The following LPIN2 variants were observed in gnomAD, a reference collection of about 807,000 sequenced individuals.
LPIN2 encodes the protein lipin 2.
A neutral mutation model predicts 111.4 loss-of-function variants in LPIN2; 55 were observed. That is an observed-to-expected ratio of 0.49 (90% CI 0.40 to 0.62). The LOEUF is 0.62. Among genes scored for constraint, LPIN2 ranks in the 20% least tolerant of loss-of-function variants. LPIN2 has a pLI of 0.00. For missense variants in LPIN2, 992 were observed against 1,112.1 expected, an observed-to-expected ratio of 0.89 and a Z score of 1.54; for synonymous variants, 425 against 414.0, an observed-to-expected ratio of 1.03 and a Z score of -0.32.
intron 1 of LPIN2, among the ~76,000 whole-genome samples, chr18:2,978,240 T>C (rs989637906): frequency 6.6e-6 from 1 of 152,052 alleles, no homozygotes; most frequent in East Asian, 1.9e-4. Context: ...ATAAACAAGA[T>C]GTCTGGATAT....
chr18:2,956,735 C>A (rs1437721054), intron 2 of LPIN2, among the ~76,000 whole-genome samples: 1 of 152,200 alleles, frequency 6.6e-6, no homozygotes, highest in Non-Finnish European at 1.5e-5. Flanking sequence ...CTAAACTATT[C>A]ATACACTATC....
intron 6 of LPIN2, 147 bp downstream of exon 6, chr18:2,939,333 C>A: frequency 1.1e-6 from 1 of 934,308 alleles, no homozygotes; most frequent in Non-Finnish European, 1.7e-6. Context: ...AAAATGTTAA[C>A]TTTGAATTTA....
chr18:2,967,652 A>G (rs2077829066), intron 1 of LPIN2: 1 of 152,232 alleles, frequency 6.6e-6, no homozygotes, highest in Admixed American at 6.5e-5. Context: ...AAGAGTATAC[A>G]ACACAGCGCA....
intron 1 of LPIN2, among the ~76,000 whole-genome samples, chr18:2,971,717 G>A (rs1315017387): frequency 1.4e-5 from 2 of 147,270 alleles, no homozygotes; most frequent in African/African-American, 5.0e-5. Context: ...AATTCAAGAG[G>A]TAAGTGAAGA....
In LPIN2 at chr18:2,954,470, C is replaced by T. The variant is rs749559310; in HGVS notation, c.288+34G>A. On this transcript the variant is annotated intron_variant, in intron 3 of 19. Coordinates refer to ENST00000677752, the MANE Select transcript of LPIN2 (RefSeq NM_001375808.2). ...GCCACGTACCAGAGGCCTGAGCACACTGTGTAAGGAGGGTGTAACCCATGC... is the reference window on the plus strand; with the variant it reads ...GCCACGTACCAGAGGCCTGAGCACATTGTGTAAGGAGGGTGTAACCCATGC... 5 of 1,490,558 alleles carry T rather than the reference C, an allele frequency of 3.4e-6. No individual in the cohort carries two copies. In the African/African-American group the frequency reaches 6.9e-5, roughly 21 times the overall value. 92.3% of individuals were successfully genotyped at this position (1,490,558 alleles called of 1,614,324 possible).
At chr18:2,962,925 C>A (rs575776668) in intron 1 of LPIN2, among the ~76,000 whole-genome samples, 1 of 152,312 alleles carries the variant, frequency 6.6e-6, no homozygotes, top group South Asian at 2.1e-4. Flanking sequence ...AAATGTGTAA[C>A]AAGCTTCCAT....
intron 4 of LPIN2, 80 bp from the exon 5 acceptor site, chr18:2,940,792 T>C: frequency 2.5e-6 from 2 of 800,134 alleles, no homozygotes; most frequent in South Asian, 1.4e-5. Context: ...CTACTGATAC[T>C]ACAAACAATC....
At chr18:2,961,738 C>A (rs896567384) in intron 1 of LPIN2, among the ~76,000 whole-genome samples, 5 of 152,090 alleles carry the variant, frequency 3.3e-5, no homozygotes, top group Non-Finnish European at 5.9e-5. Context: ...TGAATACACC[C>A]CCACATTTTA....
chr18:2,995,676 T>C (rs1479094554), intron 1 of LPIN2, among the ~76,000 whole-genome samples: 2 of 152,240 alleles, frequency 1.3e-5, no homozygotes, highest in East Asian at 3.8e-4. Flanking sequence ...AAAGTAAATA[T>C]GATTCATCTG....
chr18:2,999,653 C>G (rs1025643616), intron 1 of LPIN2, among the ~76,000 whole-genome samples: 4 of 150,892 alleles, frequency 2.7e-5, no homozygotes, highest in African/African-American at 9.8e-5. Flanking sequence ...CAGACATGCA[C>G]ACAGAAGAAC....
In LPIN2 at chr18:2,960,913, AAC is replaced by A. The variant is rs1326128401; in HGVS notation, c.-9-66_-9-65del. ...ATTTGTGATCTATTGACAAAGAAATAACAGTCGTAACAAAAATGACACTACTC... is the reference window on the plus strand; with the variant it reads ...ATTTGTGATCTATTGACAAAGAAATAAGTCGTAACAAAAATGACACTACTC... On this transcript the variant is annotated intron_variant, in intron 1 of 19. Transcript: ENST00000677752. 12 of 1,331,286 alleles carry A rather than the reference AAC, an allele frequency of 9.0e-6. No individual in the cohort carries two copies. In the African/African-American group the frequency reaches 1.3e-4, roughly 15 times the overall value. 82.5% of individuals were successfully genotyped at this position (1,331,286 alleles called of 1,614,324 possible).
chr18:2,932,792 A>G (rs1463378324), intron 8 of LPIN2, among the ~76,000 whole-genome samples: 7 of 152,104 alleles, frequency 4.6e-5, no homozygotes, highest in African/African-American at 1.7e-4. Flanking sequence ...TAAACTCTGG[A>G]CTCTGAGACC....
intron 8 of LPIN2, 94 bp downstream of exon 8, chr18:2,934,254 CCAT>C (rs2077253467): frequency 2.1e-5 from 19 of 914,162 alleles, no homozygotes; most frequent in South Asian, 1.3e-4. Flanking sequence ...CTAAAGGACA[CCAT>C]CATCTTGTTC....
intron 1 of LPIN2, among the ~76,000 whole-genome samples, chr18:2,999,565 C>A (rs533123378): frequency 4.0e-4 from 60 of 150,856 alleles, no homozygotes; most frequent in African/African-American, 1.4e-3. Context: ...GATCACGCCA[C>A]TGCACTCCAG....
chr18:2,964,667 C>T (rs1248018217), intron 1 of LPIN2, among the ~76,000 whole-genome samples: 1 of 152,166 alleles, frequency 6.6e-6, no homozygotes, highest in Admixed American at 6.5e-5. Context: ...GCTGCAGTAC[C>T]CCAAGCTGAC....
intron 3 of LPIN2, among the ~76,000 whole-genome samples, chr18:2,953,760 A>T (rs887576558): frequency 3.9e-5 from 6 of 152,220 alleles, no homozygotes; most frequent in Non-Finnish European, 8.8e-5. Flanking sequence ...AGAATGATGT[A>T]CTGATGCCTT....
At chr18:2,966,001 T>C (rs2077796535) in intron 1 of LPIN2, among the ~76,000 whole-genome samples, 1 of 152,140 alleles carries the variant, frequency 6.6e-6, no homozygotes, top group Non-Finnish European at 1.5e-5. Flanking sequence ...AATGGTGCGA[T>C]CTCTGCTCAC....
chr18:2,943,926 T>C (rs2077405073), intron 4 of LPIN2, among the ~76,000 whole-genome samples: 1 of 152,176 alleles, frequency 6.6e-6, no homozygotes, highest in Non-Finnish European at 1.5e-5. Flanking sequence ...TTAACGAAAA[T>C]AGTACTTCTG....
At chr18:2,950,942 G>T in intron 4 of LPIN2, 113 bp downstream of exon 4, 1 of 1,113,288 alleles carries the variant, frequency 9.0e-7, no homozygotes, top group Non-Finnish European at 1.4e-6. Flanking sequence ...AACTGTAAAG[G>T]GGGAAAACAA....
Sources: allele counts gnomAD v4.1 joint callset (sites outside exome capture counted in the v4.1 genomes callset), GRCh38; gene constraint gnomAD v4.1.1; transcripts MANE v1.5; gene names NCBI Gene and HGNC (gene_info 2026-07-23, HGNC 2026-07-21).